Variants in SMAP2 observed in about 807,000 individuals in gnomAD.
SMAP2 encodes the protein stromal membrane-associated protein 2.
A neutral mutation model predicts 56.4 loss-of-function variants in SMAP2; 25 were observed. The ratio of observed to expected loss-of-function variants is 0.44; its 90% confidence interval spans 0.32 to 0.62. The LOEUF (loss-of-function observed/expected upper bound fraction) is 0.62. Ranked by LOEUF, SMAP2 falls within the 20% of genes least tolerant of loss-of-function variation. The pLI, the probability that SMAP2 is intolerant of heterozygous loss-of-function variation, is 0.04. For missense variants in SMAP2, 388 were observed against 545.6 expected, an observed-to-expected ratio of 0.71 and a Z score of 2.88; for synonymous variants, 157 against 181.7, an observed-to-expected ratio of 0.86 and a Z score of 1.09.
In SMAP2 at chr1:40,423,255, G is replaced by A. The variant is rs1156348090; in HGVS notation, c.*1154G>A. The A allele has an allele frequency of 6.6e-6, 1 of 152,620 alleles. No individual in the cohort carries two copies. The highest frequency in any genetic ancestry group is 1.5e-5 in the Non-Finnish European group (1 of 68,056). 9.5% of individuals were successfully genotyped at this position (152,620 alleles called of 1,614,324 possible). On this transcript the variant is annotated 3_prime_UTR_variant, in exon 10 of 10. Transcript: ENST00000372718. ...ACTTTGCTTAAAAGATTTCATGTGT[G>A]GGAACCACAGTTCCTGGCTGCCTTT...
chr1:40,371,189 A>G (rs997430123), upstream of SMAP2, among the ~76,000 whole-genome samples: 1 of 152,160 alleles, frequency 6.6e-6, no homozygotes, highest in Non-Finnish European at 1.5e-5. Flanking sequence ...AAAATTTTAT[A>G]ACTAATGTGG....
At chr1:40,398,734 G>A (rs1644798542) in intron 1 of SMAP2, among the ~76,000 whole-genome samples, 1 of 151,918 alleles carries the variant, frequency 6.6e-6, no homozygotes, top group African/African-American at 2.4e-5. Context: ...AAACTCCTGG[G>A]CTCAAGTGAT....
rs961190986 is a variant in SMAP2, at chr1:40,406,617, G to A, written c.104-119G>A. Reference sequence around the variant, plus strand: ...GAATGAGCAGAGTCAATAAACAGGTGGTTATGGTAAAAATTATTTCACTTA... The same window carrying A: ...GAATGAGCAGAGTCAATAAACAGGTAGTTATGGTAAAAATTATTTCACTTA... On this transcript the variant is annotated intron_variant, in intron 1 of 9. Transcript: ENST00000372718. 7 of 1,097,700 alleles carry A rather than the reference G, an allele frequency of 6.4e-6. No individual in the cohort carries two copies. In the African/African-American group the frequency reaches 7.8e-5, roughly 12 times the overall value. 68.0% of individuals were successfully genotyped at this position (1,097,700 alleles called of 1,614,324 possible).
chr1:40,397,408 A>G (rs1438226816), intron 1 of SMAP2, among the ~76,000 whole-genome samples: 1 of 152,164 alleles, frequency 6.6e-6, no homozygotes, highest in African/African-American at 2.4e-5. Context: ...TAATTGTTAG[A>G]AAATTTTTCT....
chr1:40,399,455 T>C (rs1294958515), intron 1 of SMAP2, among the ~76,000 whole-genome samples: 2 of 151,044 alleles, frequency 1.3e-5, no homozygotes, highest in Non-Finnish European at 1.5e-5. Context: ...CCACCGTGCC[T>C]GGCCCATTTC....
chr1:40,403,441 G>A (rs1416526779), intron 1 of SMAP2, among the ~76,000 whole-genome samples: 1 of 152,160 alleles, frequency 6.6e-6, no homozygotes, highest in Admixed American at 6.5e-5. Context: ...GGAGACGGAG[G>A]TTGCAGTGAG....
intron 1 of SMAP2, among the ~76,000 whole-genome samples, chr1:40,388,136 C>T (rs1052435532): frequency 2.0e-5 from 3 of 152,192 alleles, no homozygotes; most frequent in African/African-American, 4.8e-5. Flanking sequence ...AGCCTCCCCC[C>T]ACCTCTGTGG....
At chr1:40,409,680 C>T (rs975990765) in intron 3 of SMAP2, 77 bp from the exon 4 acceptor site, 23 of 1,009,822 alleles carry the variant, frequency 2.3e-5, no homozygotes, top group Admixed American at 1.1e-4. Context: ...AACAATGCTC[C>T]GTGGAACACA....
At chr1:40,404,425 C>T (rs1403033664) in intron 1 of SMAP2, among the ~76,000 whole-genome samples, 3 of 152,110 alleles carry the variant, frequency 2.0e-5, no homozygotes, top group Admixed American at 2.0e-4. Context: ...TCAGAGTCAC[C>T]CCAAGGCTCC....
At position 40,374,529 on chromosome 1, in the gene SMAP2, CAG is replaced by C. The variant is rs887765565; in HGVS notation, c.103+313_103+314del. ...CTGAATGAGTTCTGGGCCGGCTGTC[CAG>C]AGAGAGCTCCCAGCATGTCACTTGC... On this transcript the variant is annotated intron_variant, in intron 1 of 9. Transcript: ENST00000372718. This position sits in a 1 kb window ranked among gnomAD's most constrained non-coding sequence, Gnocchi z 5.9. 1.1e-6 allele frequency: 1 copy of C among 916,616 alleles called. No individual in the cohort carries two copies. Among genetic ancestry groups the C allele is most frequent in the South Asian group, 1.5e-5 (1 of 64,830 alleles). The allele number at this position is 916,616 out of a possible 1,614,324, so 56.8% of individuals were successfully genotyped here. A position where few individuals can be genotyped will look rare whatever the true frequency, so the allele number is the denominator to read the frequency against.
At chr1:40,351,399 A>G (rs1569813788) in intron 1 of SMAP2, among the ~76,000 whole-genome samples, 1 of 152,178 alleles carries the variant, frequency 6.6e-6, no homozygotes, top group African/African-American at 2.4e-5. Context: ...TTTCTAGTTA[A>G]CCTGGATCTA....
intron 1 of SMAP2, among the ~76,000 whole-genome samples, chr1:40,391,320 T>C (rs1006731996): frequency 6.6e-6 from 1 of 152,240 alleles, no homozygotes; most frequent in Non-Finnish European, 1.5e-5. Flanking sequence ...CACAGATGAA[T>C]GCCGACGCTT....
chr1:40,381,768 G>A (rs1400926267), intron 1 of SMAP2, among the ~76,000 whole-genome samples: 1 of 152,096 alleles, frequency 6.6e-6, no homozygotes, highest in Non-Finnish European at 1.5e-5. Flanking sequence ...ATTCACATGG[G>A]GTTATAAATA....
At chr1:40,344,954 TTTC>T (rs945661729) in intron 1 of SMAP2, 9 of 106,616 alleles carry the variant, frequency 8.4e-5, no homozygotes, top group African/African-American at 2.7e-4. Context: ...TTTTCTTTTT[TTTC>T]TTTTCTTTCT....
intron 2 of SMAP2, among the ~76,000 whole-genome samples, chr1:40,367,846 T>A: frequency 1.6e-5 from 2 of 123,830 alleles, no homozygotes; most frequent in East Asian, 2.5e-4. Flanking sequence ...AAGAAATAAC[T>A]AAAATCAGAG....
chr1:40,384,877 C>T (rs1644638355), intron 1 of SMAP2, among the ~76,000 whole-genome samples: 1 of 152,198 alleles, frequency 6.6e-6, no homozygotes, highest in African/African-American at 2.4e-5. Context: ...AGAGGTCCAT[C>T]TATGCATTTT....
intron 1 of SMAP2, among the ~76,000 whole-genome samples, chr1:40,358,619 T>G (rs1405756236): frequency 6.6e-6 from 1 of 152,212 alleles, no homozygotes; most frequent in Non-Finnish European, 1.5e-5. Flanking sequence ...GTCTTGAATT[T>G]TTAAAGACTT....
At chr1:40,382,474 A>G (rs900099542) in intron 1 of SMAP2, among the ~76,000 whole-genome samples, 1 of 152,230 alleles carries the variant, frequency 6.6e-6, no homozygotes. Flanking sequence ...CACTGTAAGC[A>G]TACAGTGCCT....
intron 8 of SMAP2, among the ~76,000 whole-genome samples, chr1:40,416,544 G>A (rs536911884): frequency 2.5e-4 from 38 of 152,244 alleles, no homozygotes; most frequent in African/African-American, 3.6e-4. Flanking sequence ...GTCACAATTC[G>A]GTGAAGTCTA....
Sources: allele counts gnomAD v4.1 joint callset (sites outside exome capture counted in the v4.1 genomes callset), GRCh38; gene constraint gnomAD v4.1.1; non-coding constraint Gnocchi (gnomAD v3.1); transcripts MANE v1.5; gene names NCBI Gene and HGNC (gene_info 2026-07-23, HGNC 2026-07-21).